Variants in SYNPO2 observed in about 807,000 individuals in gnomAD.
The protein encoded by SYNPO2 is synaptopodin-2.
SYNPO2 carries 56 observed loss-of-function variants against 85.0 expected under a neutral mutation model. The ratio of observed to expected loss-of-function variants is 0.66; its 90% CI spans 0.53 to 0.82. SYNPO2 has a LOEUF of 0.82. Ranked by LOEUF, SYNPO2 falls within the 40% of genes least tolerant of loss-of-function variation. The pLI is 0.00. For missense variants in SYNPO2, 1,575 were observed against 1,534.2 expected (o/e 1.03, Z -0.44); for synonymous variants, 602 against 591.1 (o/e 1.02, Z -0.27).
At chr4:118,884,288 C>T (rs1319290047), upstream of SYNPO2, among the ~76,000 whole-genome samples, 3 of 152,354 alleles carry the variant, frequency 2.0e-5, no homozygotes, top group South Asian at 2.1e-4. Context: ...GAAGGACTGA[C>T]TGTCTCTCCC....
At chr4:118,973,954 T>C (rs1475946571) in intron 1 of SYNPO2, among the ~76,000 whole-genome samples, 1 of 152,264 alleles carries the variant, frequency 6.6e-6, no homozygotes, top group African/African-American at 2.4e-5. Context: ...AGATTCTTCT[T>C]TCTTCACAAA....
At chr4:118,986,840 A>C (rs1465774938) in intron 1 of SYNPO2, among the ~76,000 whole-genome samples, 1 of 152,206 alleles carries the variant, frequency 6.6e-6, no homozygotes, top group Non-Finnish European at 1.5e-5. Context: ...GCTGGGTCAG[A>C]GGAACCAGGA....
intron 1 of SYNPO2, among the ~76,000 whole-genome samples, chr4:118,898,167 T>G (rs1212392369): frequency 6.6e-6 from 1 of 152,200 alleles, no homozygotes; most frequent in Non-Finnish European, 1.5e-5. Context: ...TTGAGAATTT[T>G]GTCATGCAGT....
Position 119,007,233 on chromosome 4 carries a change from T to TAC in SYNPO2, c.106-16196_106-16195insCA, listed in dbSNP as rs1560971895. Reference sequence around the variant, plus strand: ...GAACAAAGGTATATATATATATATATATATATATATATGTATATACATATA... The same window carrying TAC: ...GAACAAAGGTATATATATATATATATACATATATATATATGTATATACATATA... On this transcript the variant is annotated intron_variant, in intron 1 of 4. Coordinates refer to ENST00000307142, the MANE Select transcript of SYNPO2 (RefSeq NM_133477.3). Among the ~76,000 whole-genome samples, 6 of 42,086 alleles carry TAC rather than the reference T, an allele frequency of 1.4e-4. 1 individual carries two copies. The highest frequency in any genetic ancestry group is 3.0e-4 in the African/African-American group (3 of 10,150). 27.6% of individuals were successfully genotyped at this position (42,086 alleles called of 152,430 possible). A position where few individuals can be genotyped will look rare whatever the true frequency, so the allele number is the denominator to read the frequency against.
intron 1 of SYNPO2, among the ~76,000 whole-genome samples, chr4:118,989,308 A>T (rs1210072819): frequency 6.6e-6 from 1 of 152,166 alleles, no homozygotes; most frequent in Admixed American, 6.5e-5. Flanking sequence ...TGGGGGAGTA[A>T]ACAGCATGTG....
At chr4:118,925,692 G>C (rs193134219) in intron 1 of SYNPO2, among the ~76,000 whole-genome samples, 2 of 151,994 alleles carry the variant, frequency 1.3e-5, no homozygotes, top group Non-Finnish European at 2.9e-5. Flanking sequence ...TAAAATCAGC[G>C]GGTCAGTTTA....
At chr4:119,033,578 A>G (rs1738374617) in intron 4 of SYNPO2, 2 of 985,328 alleles carry the variant, frequency 2.0e-6, no homozygotes, top group Non-Finnish European at 2.4e-6. Context: ...TGCAGGAGAT[A>G]TGTTTAGAGA....
At chr4:118,876,795 TCTTC>T (rs529853614) in intron 1 of SYNPO2, among the ~76,000 whole-genome samples, 78 of 151,146 alleles carry the variant, frequency 5.2e-4, no homozygotes, top group African/African-American at 1.8e-3. Flanking sequence ...TTTTTTTCTT[TCTTC>T]CTTCTTTTTG....
intron 1 of SYNPO2, among the ~76,000 whole-genome samples, chr4:118,872,335 C>T (rs1731817865): frequency 6.6e-6 from 1 of 152,122 alleles, no homozygotes; most frequent in South Asian, 2.1e-4. Flanking sequence ...CCAGTCACAA[C>T]CCGTGGTCAT....
rs539055671 is a variant in SYNPO2 at position 118,952,350 on chromosome 4, C to A, written c.105+63209C>A. 3.3e-5 allele frequency among the ~76,000 whole-genome samples: 5 copies of A among 151,840 alleles called. No homozygotes were observed. In the East Asian group the frequency reaches 9.6e-4, roughly 29 times the overall value. ...AAAATCACTTCTTTTTTATTTTTTT[C>A]CATATCTAAGAGTAAACTTTTTTTA... On this transcript the variant is annotated intron_variant, in intron 1 of 4. Transcript: ENST00000307142.
At chr4:118,982,109 T>A (rs1165814571) in intron 1 of SYNPO2, among the ~76,000 whole-genome samples, 1 of 151,520 alleles carries the variant, frequency 6.6e-6, no homozygotes, top group East Asian at 1.9e-4. Context: ...TTCCAGGGAG[T>A]CAACTCACAT....
chr4:118,871,851 G>A (rs1731809427), intron 1 of SYNPO2, among the ~76,000 whole-genome samples: 1 of 152,246 alleles, frequency 6.6e-6, no homozygotes, highest in African/African-American at 2.4e-5. Flanking sequence ...TTACAGGCGT[G>A]AGCCACCGCA....
chr4:118,928,663 A>G (rs1733819908), intron 1 of SYNPO2, among the ~76,000 whole-genome samples: 1 of 152,064 alleles, frequency 6.6e-6, no homozygotes, highest in Admixed American at 6.6e-5. Context: ...ACCCTCTTTT[A>G]TTTACTCCTT....
chr4:118,922,589 G>A (rs1733575314), intron 1 of SYNPO2, among the ~76,000 whole-genome samples: 1 of 150,936 alleles, frequency 6.6e-6, no homozygotes, highest in Non-Finnish European at 1.5e-5. Flanking sequence ...GTAGATATTT[G>A]CTACTTATAT....
intron 1 of SYNPO2, among the ~76,000 whole-genome samples, chr4:118,920,854 G>A (rs1356642174): frequency 6.6e-6 from 1 of 151,708 alleles, no homozygotes; most frequent in Non-Finnish European, 1.5e-5. Context: ...GTCTGGCTGG[G>A]GAAGATTGTT....
chr4:119,011,719 C>T (rs2149179213), intron 1 of SYNPO2, among the ~76,000 whole-genome samples: 1 of 152,230 alleles, frequency 6.6e-6, no homozygotes, highest in Admixed American at 6.5e-5. Context: ...ATTTATTCGG[C>T]ACATATTTAT....
chr4:118,897,807 GTCAC>G (rs1411060429), intron 1 of SYNPO2, among the ~76,000 whole-genome samples: 2 of 152,136 alleles, frequency 1.3e-5, no homozygotes, highest in African/African-American at 2.4e-5. Context: ...TCCTAGACAT[GTCAC>G]TTTTGGGTCT....
rs541270361 is a variant in SYNPO2 at position 118,856,088 on chromosome 4, T to C, written c.12+5148T>C. ...CTTCTAGCCCATGTTGTATGGTATA[T>C]TGTGATTTGCATTTATACCTGGCCC... On this transcript the variant is annotated intron_variant, in intron 1 of 4. Transcript: ENST00000610556. Among the ~76,000 whole-genome samples, 4 of 152,332 alleles carry C rather than the reference T, an allele frequency of 2.6e-5. No individual in the cohort carries two copies. In the South Asian group the frequency reaches 6.2e-4, roughly 24 times the overall value.
intron 4 of SYNPO2, among the ~76,000 whole-genome samples, chr4:119,047,557 TA>T (rs11355873): frequency 0.33 from 49,537 of 152,016 alleles, 8,155 homozygotes; most frequent in African/African-American, 0.39. Flanking sequence ...TTAGTGGAGG[TA>T]AACTTAAAAT....
Sources: gnomAD v4.1 joint callset for allele counts (sites outside exome capture counted in the v4.1 genomes callset) on GRCh38, gnomAD v4.1.1 for gene constraint, MANE v1.5 for transcripts, NCBI Gene and HGNC (gene_info 2026-07-23, HGNC 2026-07-21) for gene names.